The following OASL variants were observed in gnomAD, a reference collection of about 807,000 sequenced individuals.
OASL encodes 2'-5'-oligoadenylate synthetase like.
In OASL, 28 loss-of-function variants were observed where a neutral mutation model predicts 35.3. The ratio of observed to expected loss-of-function variants is 0.79; its 90% confidence interval spans 0.59 to 1.09. The LOEUF is 1.09. OASL is among the 50% of genes least tolerant of loss of function. The probability of loss-of-function intolerance (pLI) is 0.00; values close to 1 mark genes in which losing one functional copy is unlikely to be tolerated. For missense variants in OASL, 620 were observed against 635.2 expected (o/e 0.98, Z 0.26); for synonymous variants, 252 against 254.6 (o/e 0.99, Z 0.10).
At chr12:121,032,210 A>T (rs1869766315) in intron 2 of OASL, among the ~76,000 whole-genome samples, 1 of 151,936 alleles carries the variant, frequency 6.6e-6, no homozygotes, top group Non-Finnish European at 1.5e-5. Flanking sequence ...ATATATATAT[A>T]TAAACTCATA....
At chr12:121,020,472 C>A (rs965086034) in exon 6 of OASL, 190 of 1,354,256 alleles carry the variant, frequency 1.4e-4, no homozygotes, top group Non-Finnish European at 1.9e-4. Context: ...AGACCTGGGA[C>A]CTTCCCAGTA....
chr12:121,026,406 C>A (rs1277821100), intron 4 of OASL, among the ~76,000 whole-genome samples: 1 of 152,122 alleles, frequency 6.6e-6, no homozygotes, highest in Non-Finnish European at 1.5e-5. Flanking sequence ...TGAAGCAGAT[C>A]CCCAGATAAG....
chr12:121,030,617 G>A (rs942812603), intron 3 of OASL, among the ~76,000 whole-genome samples: 7 of 152,064 alleles, frequency 4.6e-5, no homozygotes, highest in Non-Finnish European at 7.4e-5. Context: ...TTTGCAGTTG[G>A]AGTTTCCGTT....
At position 121,021,072 on chromosome 12, in the gene OASL, G is replaced by C. The variant is rs778004216; in HGVS notation, c.1048-14C>G. On this transcript the variant is annotated splice_polypyrimidine_tract_variant and intron_variant, in intron 5 of 5. Transcript: ENST00000257570. Reference sequence around the variant, plus strand: ...GTCTCGTGCCCTCTGGAAGGGAGAGGGAGAAGGAGAGGTGTTAAGTCCACA... The same window carrying C: ...GTCTCGTGCCCTCTGGAAGGGAGAGCGAGAAGGAGAGGTGTTAAGTCCACA... The C allele has an allele frequency of 1.9e-6, 3 of 1,546,256 alleles. No homozygotes were observed.
intron 4 of OASL, among the ~76,000 whole-genome samples, chr12:121,026,159 G>A (rs867468687): frequency 2.0e-5 from 3 of 152,194 alleles, no homozygotes; most frequent in South Asian, 4.1e-4. Flanking sequence ...AGGCTGAGGG[G>A]AAAAGTGCTG....
chr12:121,038,888 C>G (rs1240911360), exon 1 of OASL: 2 of 1,614,200 alleles, frequency 1.2e-6, no homozygotes, highest in Non-Finnish European at 8.5e-7. Context: ...CTTCCTTCCA[C>G]TCCCGGTGGG....
downstream of OASL, among the ~76,000 whole-genome samples, chr12:121,018,762 C>T (rs1035125938): frequency 2.0e-5 from 3 of 147,434 alleles, no homozygotes; most frequent in South Asian, 2.2e-4. Context: ...CCCAGCTACT[C>T]GGGAGGCTGA....
intron 4 of OASL, among the ~76,000 whole-genome samples, chr12:121,024,615 C>CAA (rs879814365): frequency 7.1e-6 from 1 of 140,612 alleles, no homozygotes; most frequent in African/African-American, 2.6e-5. Flanking sequence ...GAGACTGTCT[C>CAA]AAAAAAAAAA....
chr12:121,020,402 T>C, exon 6 of OASL: 1 of 768,942 alleles, frequency 1.3e-6, no homozygotes, highest in Non-Finnish European at 2.0e-6. Flanking sequence ...CCCAAAGTTC[T>C]GGGATTACAG....
chr12:121,025,486 G>A (rs1270600951), intron 4 of OASL, among the ~76,000 whole-genome samples: 6 of 152,056 alleles, frequency 3.9e-5, no homozygotes, highest in Non-Finnish European at 1.5e-5. Flanking sequence ...CTCTTTGAGT[G>A]GGGCGCAGTG....
chr12:121,023,972 C>T lies in OASL; in HGVS notation c.1047+18G>A. The T allele has an allele frequency of 1.9e-6, 3 of 1,613,716 alleles. No homozygotes were observed. Among genetic ancestry groups the T allele is most frequent in the Non-Finnish European group, 2.5e-6 (3 of 1,179,726 alleles). On this transcript the variant is annotated intron_variant, in intron 5 of 5. Transcript: ENST00000257570. ...TTCTGACCTTCAAGCCCTTGACAGC[C>T]CAGAGAGGAGCCATTACCTTCACGT...
intron 4 of OASL, among the ~76,000 whole-genome samples, chr12:121,026,295 A>G (rs1869480215): frequency 6.6e-6 from 1 of 152,200 alleles, no homozygotes; most frequent in South Asian, 2.1e-4. Context: ...CTTCCTTACA[A>G]AAGAGACCCA....
intron 3 of OASL, among the ~76,000 whole-genome samples, chr12:121,028,751 G>C (rs1489082336): frequency 6.6e-6 from 1 of 151,918 alleles, no homozygotes; most frequent in Non-Finnish European, 1.5e-5. Flanking sequence ...TTAACTGACA[G>C]TGGTCACTTC....
downstream of OASL, among the ~76,000 whole-genome samples, chr12:121,018,044 C>A (rs757689231): frequency 1.3e-5 from 2 of 152,162 alleles, no homozygotes; most frequent in Non-Finnish European, 2.9e-5. Context: ...TTGTGACAGG[C>A]ATTTGTTAGG....
At chr12:121,032,336 C>A (rs1420942696) in intron 2 of OASL, among the ~76,000 whole-genome samples, 3 of 152,148 alleles carry the variant, frequency 2.0e-5, no homozygotes, top group Non-Finnish European at 4.4e-5. Context: ...CTCCACGCAG[C>A]CAGCCACTAC....
exon 2 of OASL, chr12:121,033,586 A>G (rs746832678): frequency 6.2e-7 from 1 of 1,614,220 alleles, no homozygotes; most frequent in South Asian, 1.1e-5. Flanking sequence ...CCCGAGGTCC[A>G]GCAGGTCCTG....
intron 4 of OASL, 49 bp downstream of exon 4, chr12:121,027,527 G>A (rs369164161): frequency 1.8e-5 from 29 of 1,608,076 alleles, no homozygotes; most frequent in Non-Finnish European, 2.2e-5. Context: ...ACACTAGCCC[G>A]TCTCTCTTTT....
chr12:121,025,928 C>T (rs543608687), intron 4 of OASL, among the ~76,000 whole-genome samples: 1 of 152,276 alleles, frequency 6.6e-6, no homozygotes, highest in South Asian at 2.1e-4. Context: ...TGACTGCTCC[C>T]TAAAACAGTC....
exon 6 of OASL, chr12:121,020,445 C>T: frequency 1.8e-6 from 2 of 1,124,006 alleles, no homozygotes; most frequent in South Asian, 3.1e-5. Flanking sequence ...TGGGATAACT[C>T]ATTGTAAAAC....
Sources: gnomAD v4.1 joint callset for allele counts (sites outside exome capture counted in the v4.1 genomes callset) on GRCh38, gnomAD v4.1.1 for gene constraint, MANE v1.5 for transcripts, NCBI Gene and HGNC (gene_info 2026-07-23, HGNC 2026-07-21) for gene names.